IFT122: variants seen among roughly 807,000 people sequenced by gnomAD.
The protein encoded by IFT122 is intraflagellar transport 122, also known as intraflagellar transport protein 122 homolog.
Under a neutral mutation model 161.6 loss-of-function variants are expected in IFT122, and 118 were observed. The observed-to-expected ratio is 0.73, with a 90% CI of 0.63 to 0.85. The LOEUF is 0.85. Ranked by LOEUF, IFT122 falls within the 40% of genes least tolerant of loss-of-function variation. The pLI is 0.00. For synonymous variants in IFT122, 550 were observed against 602.4 expected (o/e 0.91, Z 1.27); for missense variants, 1,381 against 1,579.6 (o/e 0.87, Z 2.13).
intron 25 of IFT122, 98 bp downstream of exon 25, chr3:129,514,652 C>T (rs907422346): frequency 4.4e-6 from 6 of 1,360,064 alleles, no homozygotes; most frequent in Non-Finnish European, 5.2e-6. Flanking sequence ...AGAGAGACAG[C>T]TGCAGCTCCC....
At chr3:129,489,468 C>T (rs188988637) in intron 16 of IFT122, among the ~76,000 whole-genome samples, 298 of 152,230 alleles carry the variant, frequency 2.0e-3, no homozygotes, top group African/African-American at 6.8e-3. Flanking sequence ...GGGAAGTGAT[C>T]GTTGTGTAAC....
At chr3:129,479,756 T>G in intron 12 of IFT122, 29 bp from the exon 13 acceptor site, 1 of 1,613,626 alleles carries the variant, frequency 6.2e-7, no homozygotes, top group Non-Finnish European at 8.5e-7. Context: ...TCTGTTGAAT[T>G]TCCATGCAGA....
intron 3 of IFT122, among the ~76,000 whole-genome samples, chr3:129,457,098 G>A (rs924019820): frequency 2.0e-5 from 3 of 152,162 alleles, no homozygotes; most frequent in African/African-American, 7.2e-5. Context: ...ACAGAATGTG[G>A]CACATACTTA....
chr3:129,447,977 C>A (rs899784249), intron 1 of IFT122, among the ~76,000 whole-genome samples: 10 of 152,102 alleles, frequency 6.6e-5, no homozygotes, highest in African/African-American at 2.2e-4. Context: ...GGGGGGCTTA[C>A]AATTTTATTT....
At chr3:129,479,255 C>CAAAAA (rs547629384) in intron 12 of IFT122, among the ~76,000 whole-genome samples, 2 of 81,412 alleles carry the variant, frequency 2.5e-5, no homozygotes, top group African/African-American at 8.7e-5. Flanking sequence ...CCATCTCCAC[C>CAAAAA]AAAAAAAAAA....
At chr3:129,470,988 A>G (rs2077311027) in intron 9 of IFT122, among the ~76,000 whole-genome samples, 2 of 152,218 alleles carry the variant, frequency 1.3e-5, no homozygotes, top group Admixed American at 1.3e-4. Flanking sequence ...CTTGCTTCAG[A>G]AGAATAACTT....
At chr3:129,483,298 GCTTGCCTCTGTTCATTTCT>G (rs1356914442) in intron 14 of IFT122, among the ~76,000 whole-genome samples, 168 bp from the exon 15 acceptor site, 16 of 152,040 alleles carry the variant, frequency 1.1e-4, no homozygotes, top group African/African-American at 2.9e-4. Context: ...GCATGGAGGG[GCTTGCCTCTGTTCATTTCT>G]CTTGCCTCTG....
intron 1 of IFT122, among the ~76,000 whole-genome samples, chr3:129,443,839 A>T (rs2107816712): frequency 6.6e-6 from 1 of 152,334 alleles, no homozygotes; most frequent in Admixed American, 6.5e-5. Context: ...AGAGAAAATG[A>T]ATTTTTATAT....
chr3:129,475,628 G>A (rs1298996281), intron 9 of IFT122, among the ~76,000 whole-genome samples: 1 of 152,098 alleles, frequency 6.6e-6, no homozygotes, highest in Non-Finnish European at 1.5e-5. Context: ...CTCCAGCCTG[G>A]GCAACAGAGT....
In IFT122 at chr3:129,449,883, C is replaced by T. The variant is rs139138308; in HGVS notation, c.54C>T (p.Ile18=). 1.2e-5 allele frequency: 20 copies of T among 1,611,504 alleles called. No individual in the cohort carries two copies. Among genetic ancestry groups the T allele is most frequent in the African/African-American group, 5.3e-5 (4 of 74,822 alleles). ...RDKAEHCIND[I]AFKPDGTQLI... ...GTCTTCTGTTCAGTATAAATGACAT[C>T]GCATTTAAGCCTGATGGAACTCAAC... Residue 18 remains isoleucine, a synonymous_variant, in exon 2 of 30, where the codon ATC becomes ATT. Transcript: ENST00000348417.
intron 7 of IFT122, 63 bp downstream of exon 7, chr3:129,464,844 C>A: frequency 6.4e-7 from 1 of 1,559,310 alleles, no homozygotes; most frequent in Non-Finnish European, 8.8e-7. Context: ...TTTTTGTCTT[C>A]CTGAGGTCTC....
chr3:129,516,719 CACACACAG>C lies in IFT122; in HGVS notation c.3266-748_3266-741del, dbSNP rs1208728779. On this transcript the variant is annotated intron_variant, in intron 26 of 29. Coordinates refer to ENST00000348417, the MANE Select transcript of IFT122 (RefSeq NM_052989.3). Reference sequence around the variant, plus strand: ...GCACACACACACACACACACACACACACACACAGAGAGACTGCCCCTGCACACACACAC... The same window carrying C: ...GCACACACACACACACACACACACACAGAGACTGCCCCTGCACACACACAC... 1.1e-3 allele frequency among the ~76,000 whole-genome samples: 118 copies of C among 111,698 alleles called. 7 individuals carry two copies. The highest frequency in any genetic ancestry group is 4.2e-3 in the African/African-American group (109 of 26,078). 73.3% of individuals were successfully genotyped at this position (111,698 alleles called of 152,430 possible).
rs372209075 is a variant in IFT122, at chr3:129,495,209, TAAAC to T, written c.2047-229_2047-226del. ...GAAAGCAACCCTGAGGAATTTCCAT[TAAAC>T]AAACAAAGGTTTGCATCTTTTTTTG... is the stretch of plus-strand genomic sequence containing the variant. On this transcript the variant is annotated intron_variant, in intron 17 of 29. Transcript: ENST00000348417. 7.9e-5 allele frequency among the ~76,000 whole-genome samples: 12 copies of T among 152,312 alleles called. No homozygotes were observed. The South Asian group carries it at 2.3e-3, about 29-fold the overall frequency.
At chr3:129,466,268 C>CCAATATTCCAAAATA (rs1229395179) in intron 7 of IFT122, among the ~76,000 whole-genome samples, 1 of 152,128 alleles carries the variant, frequency 6.6e-6, no homozygotes, top group Non-Finnish European at 1.5e-5. Context: ...GGTTATTATG[C>CCAATATTCCAAAATA]TTCTTCCTGA....
intron 9 of IFT122, among the ~76,000 whole-genome samples, chr3:129,474,145 G>A (rs977781192): frequency 6.6e-5 from 10 of 152,220 alleles, no homozygotes; most frequent in African/African-American, 2.4e-4. Context: ...TTAAATTGGT[G>A]TAAGGGAATT....
intron 9 of IFT122, among the ~76,000 whole-genome samples, chr3:129,473,413 A>G (rs1577537004): frequency 6.6e-6 from 1 of 152,206 alleles, no homozygotes; most frequent in East Asian, 1.9e-4. Flanking sequence ...GGAATTTTGA[A>G]TTGTACTCAA....
intron 7 of IFT122, 95 bp from the exon 8 acceptor site, chr3:129,466,795 A>T: frequency 1.6e-6 from 2 of 1,213,786 alleles, no homozygotes; most frequent in East Asian, 2.3e-5. Context: ...GAGTCACTGC[A>T]CCTGGCCCCC....
chr3:129,520,251 G>T lies in IFT122; in HGVS notation c.3712G>T (p.Asp1238Tyr). The T allele has an allele frequency of 6.2e-7, 1 of 1,609,744 alleles. No individual in the cohort carries two copies. ...CCCCTACTGCCGCAGGTGCAAGGAT[G>T]ACCCTGGCCCATGACCAGCATCCTG... ...CCPYCRRCKD[D>Y]PGP Residue 1238 changes from aspartate to tyrosine, a missense_variant, in exon 30 of 30, where the codon GAC (aspartate) becomes TAC (tyrosine). Physicochemically the swap from Asp to Tyr is radical, Grantham distance 160 (BLOSUM62 -3). Transcript: ENST00000348417.
chr3:129,459,744 TCTTCCTTCCTTC>T (rs68095952), intron 4 of IFT122, among the ~76,000 whole-genome samples: 54 of 98,628 alleles, frequency 5.5e-4, no homozygotes, highest in African/African-American at 1.6e-3. Flanking sequence ...CTCCCTCCCT[TCTTCCTTCCTTC>T]CTTCCTTCCT....
Sources: gnomAD v4.1 joint callset for allele counts (sites outside exome capture counted in the v4.1 genomes callset) on GRCh38, gnomAD v4.1.1 for gene constraint, MANE v1.5 for transcripts, NCBI Gene and HGNC (gene_info 2026-07-23, HGNC 2026-07-21) for gene names.